The following ROR1 variants were observed in gnomAD, a reference collection of about 807,000 sequenced individuals.
The protein encoded by ROR1 is inactive tyrosine-protein kinase transmembrane receptor ROR1.
In ROR1, 19 loss-of-function variants were observed where a neutral mutation model predicts 78.8. That is an observed-to-expected ratio of 0.24 (90% confidence interval 0.17 to 0.35). ROR1 has a LOEUF of 0.35. Among genes scored for constraint, ROR1 ranks in the 10% least tolerant of loss-of-function variants. The pLI is 1.00. For synonymous variants in ROR1, 386 were observed against 433.6 expected, an observed-to-expected ratio of 0.89 and a Z score of 1.36; for missense variants, 917 against 1,177.8, an observed-to-expected ratio of 0.78 and a Z score of 3.24.
At chr1:64,140,042 G>A (rs546080245) in intron 5 of ROR1, 67 bp from the exon 6 acceptor site, 43 of 1,434,472 alleles carry the variant, frequency 3.0e-5, no homozygotes, top group Middle Eastern at 1.8e-4. Context: ...TCTGATATCC[G>A]TTGACTAGAT....
intron 1 of ROR1, among the ~76,000 whole-genome samples, chr1:63,857,101 T>TG (rs1557530056): frequency 1.8e-4 from 27 of 151,914 alleles, no homozygotes; most frequent in African/African-American, 6.5e-4. Flanking sequence ...ATGAATGAAT[T>TG]AATAAATAAA....
intron 2 of ROR1, among the ~76,000 whole-genome samples, chr1:64,039,726 G>A (rs1646731429): frequency 6.6e-6 from 1 of 152,126 alleles, no homozygotes; most frequent in Non-Finnish European, 1.5e-5. Flanking sequence ...CTTATGATGT[G>A]TTCTGTTTGT....
At chr1:64,038,093 A>T (rs1437620473) in intron 2 of ROR1, among the ~76,000 whole-genome samples, 1 of 152,154 alleles carries the variant, frequency 6.6e-6, no homozygotes, top group Admixed American at 6.5e-5. Context: ...TTGCGAGGCC[A>T]AGGAGAGATG....
intron 4 of ROR1, among the ~76,000 whole-genome samples, chr1:64,051,736 G>A (rs1646834041): frequency 6.6e-6 from 1 of 151,944 alleles, no homozygotes; most frequent in Non-Finnish European, 1.5e-5. Context: ...TTTGGGGGAA[G>A]GACCCACTTA....
chr1:64,113,601 A>T (rs1457602350), intron 4 of ROR1: 1 of 152,176 alleles, frequency 6.6e-6, no homozygotes, highest in Non-Finnish European at 1.5e-5. Context: ...AGGGAGAGAG[A>T]CAAGAGAACT....
At chr1:63,778,701 A>G (rs1173793930) in intron 1 of ROR1, among the ~76,000 whole-genome samples, 2 of 152,242 alleles carry the variant, frequency 1.3e-5, no homozygotes, top group Non-Finnish European at 2.9e-5. Context: ...TTTTGCAAGT[A>G]TTAACTCACT....
intron 1 of ROR1, among the ~76,000 whole-genome samples, chr1:63,809,945 A>G (rs1405522337): frequency 1.3e-5 from 2 of 152,200 alleles, no homozygotes; most frequent in African/African-American, 4.8e-5. Context: ...TACCAGAGAA[A>G]TTTCATAAAA....
At chr1:64,116,629 T>C (rs1177196215) in intron 4 of ROR1, among the ~76,000 whole-genome samples, 1 of 152,156 alleles carries the variant, frequency 6.6e-6, no homozygotes, top group Non-Finnish European at 1.5e-5. Context: ...TGCTGGGAAT[T>C]ACATCCAGCA....
At chr1:64,010,366 C>CTTT (rs74685806) in intron 2 of ROR1, among the ~76,000 whole-genome samples, 11 of 141,972 alleles carry the variant, frequency 7.7e-5, no homozygotes, top group African/African-American at 2.3e-4. Context: ...TTCTATCTTA[C>CTTT]TTTTTTTTTT....
At chr1:64,116,670 A>G (rs1289299718) in intron 4 of ROR1, among the ~76,000 whole-genome samples, 1 of 152,130 alleles carries the variant, frequency 6.6e-6, no homozygotes, top group Non-Finnish European at 1.5e-5. Context: ...TGAAAGGAAA[A>G]GGGCGTTTTA....
At chr1:64,113,474 C>T (rs2806537) in intron 4 of ROR1, among the ~76,000 whole-genome samples, 101,207 of 151,990 alleles carry the variant, frequency 0.67, 34,421 homozygotes, top group East Asian at 0.97. Flanking sequence ...TTAGTGTGGT[C>T]GTTAATGGTC....
intron 1 of ROR1, among the ~76,000 whole-genome samples, chr1:63,814,479 G>A (rs1644877783): frequency 6.6e-6 from 1 of 151,956 alleles, no homozygotes; most frequent in African/African-American, 2.4e-5. Context: ...CATTTATTGT[G>A]CACTTTATTT....
chr1:63,879,074 A>G (rs775539730), intron 1 of ROR1, among the ~76,000 whole-genome samples: 12 of 152,162 alleles, frequency 7.9e-5, no homozygotes, highest in Non-Finnish European at 1.5e-5. Context: ...AGCCCCAGAA[A>G]CTTGGAATGA....
chr1:63,832,686 A>G (rs1644995364), intron 1 of ROR1, among the ~76,000 whole-genome samples: 1 of 152,236 alleles, frequency 6.6e-6, no homozygotes, highest in Non-Finnish European at 1.5e-5. Flanking sequence ...TGTTTTGAAA[A>G]CACACACATT....
chr1:64,141,674 C>T lies in ROR1; in HGVS notation c.929-731C>T, dbSNP rs370489174. Among the ~76,000 whole-genome samples the T allele has an allele frequency of 2.1e-4, 32 of 152,284 alleles. 5 individuals are homozygous for T. Among genetic ancestry groups the T allele is most frequent in the Admixed American group, 9.1e-4 (14 of 15,308 alleles). On this transcript the variant is annotated intron_variant, in intron 6 of 8. Coordinates refer to ENST00000371079, the MANE Select transcript of ROR1 (RefSeq NM_005012.4). ...CATTTCCCTTTCATCTAGAATTAATCTCACCGGCAATTTTTCAGTTTCCTT... is the reference window on the plus strand; with the variant it reads ...CATTTCCCTTTCATCTAGAATTAATTTCACCGGCAATTTTTCAGTTTCCTT...
chr1:63,831,209 A>G (rs1644986248), intron 1 of ROR1, among the ~76,000 whole-genome samples: 1 of 152,172 alleles, frequency 6.6e-6, no homozygotes, highest in African/African-American at 2.4e-5. Flanking sequence ...TGGGATCTAG[A>G]GGCTGGTGGC....
At chr1:64,132,515 T>A (rs1001972796) in intron 4 of ROR1, among the ~76,000 whole-genome samples, 3 of 152,006 alleles carry the variant, frequency 2.0e-5, no homozygotes, top group African/African-American at 7.2e-5. Context: ...ATCCTAGCAC[T>A]TTGGGAAGCC....
At chr1:64,176,794 CTTTTG>C (rs1377344324) in intron 8 of ROR1, among the ~76,000 whole-genome samples, 1 of 152,226 alleles carries the variant, frequency 6.6e-6, no homozygotes, top group Non-Finnish European at 1.5e-5. Flanking sequence ...GAAGGACAAT[CTTTTG>C]TTTTGGTTTC....
At chr1:63,928,159 C>G (rs1312576590) in intron 1 of ROR1, among the ~76,000 whole-genome samples, 1 of 152,172 alleles carries the variant, frequency 6.6e-6, no homozygotes, top group Non-Finnish European at 1.5e-5. Flanking sequence ...ACTTGGCAAT[C>G]GCAAGCTCCA....
Sources: gnomAD v4.1 joint callset for allele counts (sites outside exome capture counted in the v4.1 genomes callset) on GRCh38, gnomAD v4.1.1 for gene constraint, MANE v1.5 for transcripts, NCBI Gene and HGNC (gene_info 2026-07-23, HGNC 2026-07-21) for gene names.